The following LEO1 variants were observed in gnomAD, a reference collection of about 807,000 sequenced individuals.
The protein encoded by LEO1 is RNA polymerase-associated protein LEO1.
A neutral mutation model predicts 80.4 loss-of-function variants in LEO1; 34 were observed. The observed-to-expected ratio is 0.42, with a 90% CI of 0.32 to 0.56. LEO1 has a LOEUF of 0.56. Ranked by LOEUF, LEO1 falls within the 20% of genes least tolerant of loss-of-function variation. LEO1 has a pLI of 0.10. For synonymous variants in LEO1, 262 were observed against 274.9 expected (o/e 0.95, Z 0.46); for missense variants, 631 against 814.2 (o/e 0.77, Z 2.74).
At chr15:51,952,028 G>GT (rs1323490427) in intron 8 of LEO1, 49 bp from the exon 9 acceptor site, 1 of 1,541,452 alleles carries the variant, frequency 6.5e-7, no homozygotes, top group Non-Finnish European at 8.8e-7. Context: ...AAATACATTT[G>GT]TGAGCCAGTG....
intron 3 of LEO1, 114 bp downstream of exon 3, chr15:51,962,275 C>G (rs2057037025): frequency 1.6e-6 from 1 of 629,668 alleles, no homozygotes; most frequent in Admixed American, 3.0e-5. Context: ...TATCCACACT[C>G]TTATTCTGTG....
intron 11 of LEO1, among the ~76,000 whole-genome samples, chr15:51,946,294 A>G (rs762137939): frequency 2.0e-5 from 3 of 151,898 alleles, no homozygotes; most frequent in South Asian, 2.1e-4. Flanking sequence ...GGTTCAGGCA[A>G]TTCTCCTGCC....
chr15:51,948,202 C>T (rs1326799995), intron 10 of LEO1, among the ~76,000 whole-genome samples: 1 of 152,110 alleles, frequency 6.6e-6, no homozygotes, highest in African/African-American at 2.4e-5. Context: ...AGACCAAGCC[C>T]CTCCCGTCAA....
intron 6 of LEO1, among the ~76,000 whole-genome samples, chr15:51,956,837 T>G (rs28416491): frequency 0.03 from 4,567 of 152,040 alleles, 118 homozygotes; most frequent in East Asian, 0.076. Flanking sequence ...AATTTTTTTT[T>G]GGGGGGGAGA....
At chr15:51,970,475 T>G (rs1396227562) in intron 1 of LEO1, among the ~76,000 whole-genome samples, 3 of 152,230 alleles carry the variant, frequency 2.0e-5, no homozygotes, top group Non-Finnish European at 2.9e-5. Context: ...ATAAATGGAT[T>G]AACAAATTTA....
intron 9 of LEO1, among the ~76,000 whole-genome samples, chr15:51,951,211 T>A (rs2056946163): frequency 1.3e-5 from 2 of 152,172 alleles, no homozygotes; most frequent in South Asian, 4.1e-4. Context: ...CTAGTAGGGA[T>A]TAGAGAAGAT....
At chr15:51,940,254 CAAA>C (rs745641318) in intron 11 of LEO1, among the ~76,000 whole-genome samples, 1,479 of 37,842 alleles carry the variant, frequency 0.039, 33 homozygotes, top group African/African-American at 0.14. Flanking sequence ...GACTCCGTAT[CAAA>C]AAAAAAAAAA....
At chr15:51,950,117 C>T in intron 9 of LEO1, 123 bp from the exon 10 acceptor site, 2 of 833,806 alleles carry the variant, frequency 2.4e-6, no homozygotes, top group Non-Finnish European at 3.6e-6. Context: ...CGTGTGTGTT[C>T]CCCATCCCAC....
intron 4 of LEO1, among the ~76,000 whole-genome samples, chr15:51,960,402 A>ATGCC (rs2057020797): frequency 1.3e-5 from 2 of 152,324 alleles, no homozygotes; most frequent in African/African-American, 4.8e-5. Context: ...AATGGTTCTC[A>ATGCC]AATCACAAGT....
chr15:51,968,295 C>A (rs897454728), intron 1 of LEO1, among the ~76,000 whole-genome samples: 1 of 152,114 alleles, frequency 6.6e-6, no homozygotes, highest in Non-Finnish European at 1.5e-5. Flanking sequence ...GTAATCTCAG[C>A]ACTCTAGGAG....
At chr15:51,954,690 G>GC in intron 6 of LEO1, 115 bp from the exon 7 acceptor site, 3 of 700,054 alleles carry the variant, frequency 4.3e-6, no homozygotes, top group Non-Finnish European at 5.1e-6. Flanking sequence ...ACAGATGTAT[G>GC]TGTGGCAGGA....
At chr15:51,963,234 C>T (rs563958714) in intron 2 of LEO1, among the ~76,000 whole-genome samples, 2 of 152,126 alleles carry the variant, frequency 1.3e-5, no homozygotes, top group Admixed American at 6.6e-5. Context: ...CAAGATCGCA[C>T]CACTGCACTC....
At chr15:51,950,272 T>C (rs961578389) in intron 9 of LEO1, among the ~76,000 whole-genome samples, 1 of 152,184 alleles carries the variant, frequency 6.6e-6, no homozygotes, top group Admixed American at 6.5e-5. Flanking sequence ...TGGTGTTCTG[T>C]GCTGCCACTT....
At chr15:51,952,203 A>C (rs2056955057) in intron 8 of LEO1, 2 of 422,172 alleles carry the variant, frequency 4.7e-6, no homozygotes, top group Non-Finnish European at 8.4e-6. Flanking sequence ...AGAAGGTTGG[A>C]GTAAAAAAGA....
intron 8 of LEO1, 170 bp from the exon 9 acceptor site, chr15:51,952,149 A>G: frequency 2.0e-6 from 1 of 511,808 alleles, no homozygotes; most frequent in Non-Finnish European, 3.4e-6. Context: ...AGTTTTCTTC[A>G]TTCTGTGGCT....
At chr15:51,943,154 C>T (rs1181297852) in intron 11 of LEO1, among the ~76,000 whole-genome samples, 4 of 151,378 alleles carry the variant, frequency 2.6e-5, no homozygotes, top group Non-Finnish European at 5.9e-5. Context: ...CCAATGCGGG[C>T]AGATCATGAG....
chr15:51,959,771 A>G, intron 5 of LEO1, 128 bp downstream of exon 5: 1 of 816,704 alleles, frequency 1.2e-6, no homozygotes. Flanking sequence ...GTGCTTGACT[A>G]ATTTTTTCAG....
intron 6 of LEO1, among the ~76,000 whole-genome samples, chr15:51,958,450 G>A (rs1320722595): frequency 6.6e-6 from 1 of 152,138 alleles, no homozygotes; most frequent in African/African-American, 2.4e-5. Flanking sequence ...GCAAGACCGT[G>A]TCTCAAAATA....
intron 1 of LEO1, 148 bp from the exon 2 acceptor site, chr15:51,966,652 T>C: frequency 1.8e-6 from 1 of 563,604 alleles, no homozygotes; most frequent in Non-Finnish European, 3.1e-6. Context: ...GGCTCACGCC[T>C]GTAATCCCAG....
Sources: gnomAD v4.1 joint callset for allele counts (sites outside exome capture counted in the v4.1 genomes callset) on GRCh38, gnomAD v4.1.1 for gene constraint, MANE v1.5 for transcripts, NCBI Gene and HGNC (gene_info 2026-07-23, HGNC 2026-07-21) for gene names.